The following RAG1 variants were observed in gnomAD, a reference collection of about 807,000 sequenced individuals.
RAG1 encodes recombination activating 1.
A neutral mutation model predicts 62.7 loss-of-function variants in RAG1; 35 were observed. The observed-to-expected ratio is 0.56, with a 90% CI of 0.43 to 0.74. The LOEUF is 0.74. Ranked by LOEUF, RAG1 falls within the 30% of genes least tolerant of loss-of-function variation. RAG1 has a pLI of 0.00. For synonymous variants in RAG1, 461 were observed against 470.3 expected (o/e 0.98, Z 0.26); for missense variants, 1,169 against 1,278.6 (o/e 0.91, Z 1.31).
chr11:36,524,256 G>A (rs1860124081), intron 2 of RAG1, among the ~76,000 whole-genome samples: 1 of 151,302 alleles, frequency 6.6e-6, no homozygotes, highest in Non-Finnish European at 1.5e-5. Flanking sequence ...TGAGTTAATG[G>A]GTGCAGCACA....
In RAG1 at chr11:36,577,594, G is replaced by C. The variant is rs1475292143; in HGVS notation, c.*1158G>C. 1 of 166,960 alleles carries C rather than the reference G, an allele frequency of 6.0e-6. No individual in the cohort carries two copies. The highest frequency in any genetic ancestry group is 1.5e-5 in the Non-Finnish European group (1 of 68,118). 10.3% of individuals were successfully genotyped at this position (166,960 alleles called of 1,614,324 possible). ...GCAGAAGAGTTAACATTTACACAGT[G>C]CTTTTTACCACTGTGGAATGTTTTC... On this transcript the variant is annotated 3_prime_UTR_variant, in exon 2 of 2. Transcript: ENST00000299440.
At chr11:36,526,752 T>C (rs915087130) in intron 2 of RAG1, among the ~76,000 whole-genome samples, 2 of 152,220 alleles carry the variant, frequency 1.3e-5, no homozygotes, top group Non-Finnish European at 2.9e-5. Flanking sequence ...TGTTGTTTCC[T>C]GACTTTTTAA....
intron 1 of RAG1, 45 bp downstream of exon 1, chr11:36,568,167 A>G (rs559140890): frequency 1.3e-5 from 2 of 152,260 alleles, no homozygotes; most frequent in African/African-American, 2.4e-5. Context: ...TATTTATTAC[A>G]TTTTTATGTT....
intron 3 of RAG1, among the ~76,000 whole-genome samples, chr11:36,548,017 A>T (rs1377984557): frequency 1.3e-5 from 2 of 152,202 alleles, no homozygotes; most frequent in African/African-American, 4.8e-5. Flanking sequence ...AGAACCAACG[A>T]CAAAAACTAC....
rs142345523 is a variant in RAG1, at chr11:36,575,856, G to A, written c.2552G>A (p.Arg851Lys). The A allele has an allele frequency of 4.3e-6, 7 of 1,614,096 alleles. No individual in the cohort carries two copies. The African/African-American group carries it at 6.7e-5, about 15-fold the overall frequency. ...AAGATGAACCTCAAACCAATCATGA[G>A]GATGAATGGCAACTTTGCCAGGAAG... is the stretch of plus-strand genomic sequence containing the variant. Reference protein sequence around the residue: ...RKKMNLKPIMRMNGNFARKLM... With the variant: ...RKKMNLKPIMKMNGNFARKLM... Residue 851 changes from arginine (R) to lysine (K), a missense_variant, in exon 2 of 2, where the codon AGG becomes AAG. This residue lies in a region of RAG1 where 800 missense variants were observed against 943.3 expected (regional missense o/e 0.85). Coordinates refer to ENST00000299440, the MANE Select transcript of RAG1 (RefSeq NM_000448.3). The surrounding 1 kb of genome is among the most constrained non-coding windows in gnomAD (Gnocchi z 4.1).
At position 36,560,358 on chromosome 11, in the gene RAG1, C is replaced by A. The variant is rs190031115; in HGVS notation, c.-411-3027C>A. 2.1e-4 allele frequency among the ~76,000 whole-genome samples: 32 copies of A among 152,276 alleles called. 1 individual carries two copies. Among genetic ancestry groups the A allele is most frequent in the African/African-American group, 6.7e-4 (28 of 41,560 alleles). ...GGGGAGGTTTATTTCCTATTCTACA[C>A]TACCTGTTTCTTGGGGTGCAGGGCA... is the stretch of plus-strand genomic sequence containing the variant. On this transcript the variant is annotated intron_variant and NMD_transcript_variant, in intron 3 of 9. Transcript: ENST00000534663.
chr11:36,535,422 G>A (rs1008030132), intron 2 of RAG1, among the ~76,000 whole-genome samples: 1 of 152,130 alleles, frequency 6.6e-6, no homozygotes, highest in African/African-American at 2.4e-5. Context: ...TCTATTTCAA[G>A]TTCAACATGT....
At chr11:36,522,606 C>T (rs1051677196) in intron 2 of RAG1, among the ~76,000 whole-genome samples, 2 of 152,178 alleles carry the variant, frequency 1.3e-5, no homozygotes, top group African/African-American at 4.8e-5. Context: ...GGGGCTCTGC[C>T]TAGTGGAGCT....
intron 3 of RAG1, among the ~76,000 whole-genome samples, chr11:36,547,814 C>G (rs1850419965): frequency 6.6e-6 from 1 of 152,096 alleles, no homozygotes; most frequent in African/African-American, 2.4e-5. Flanking sequence ...CTGACAGAGA[C>G]TCAACAAAAA....
chr11:36,568,759 T>C (rs1442202975), intron 1 of RAG1, among the ~76,000 whole-genome samples: 3 of 152,230 alleles, frequency 2.0e-5, no homozygotes, highest in Non-Finnish European at 2.9e-5. Context: ...TTTGAGGTTA[T>C]GTTCTTGAGT....
chr11:36,519,417 A>G (rs917728467), intron 1 of RAG1, among the ~76,000 whole-genome samples: 3 of 152,222 alleles, frequency 2.0e-5, no homozygotes, highest in Non-Finnish European at 4.4e-5. Flanking sequence ...TACTTCAAAC[A>G]CATCAAGCAT....
Position 36,576,714 on chromosome 11 carries a change from G to A in RAG1, c.*278G>A. ...AGTAACTGCAGGGGACCAGAGATGA[G>A]CAAAGATCTGTGTGTGTTGGGGAGC... On this transcript the variant is annotated 3_prime_UTR_variant, in exon 2 of 2. Coordinates refer to ENST00000299440, the MANE Select transcript of RAG1 (RefSeq NM_000448.3). 4.3e-6 allele frequency: 2 copies of A among 460,682 alleles called. No individual in the cohort carries two copies. Among genetic ancestry groups the A allele is most frequent in the South Asian group, 4.8e-5 (2 of 41,718 alleles). The allele number at this position is 460,682 out of a possible 1,614,324, so 28.5% of individuals were successfully genotyped here.
At chr11:36,566,767 C>T (rs1258294516), upstream of RAG1, among the ~76,000 whole-genome samples, 1 of 152,230 alleles carries the variant, frequency 6.6e-6, no homozygotes, top group Admixed American at 6.5e-5. Context: ...TCTCCTCTCT[C>T]CCAGTGTTAC....
chr11:36,545,688 G>A (rs1040035789), intron 3 of RAG1, among the ~76,000 whole-genome samples: 59 of 152,196 alleles, frequency 3.9e-4, no homozygotes, highest in African/African-American at 1.4e-3. Context: ...TCTTCTATTG[G>A]CAGACATTTA....
At chr11:36,549,268 CA>C (rs1202436971) in intron 3 of RAG1, among the ~76,000 whole-genome samples, 2 of 152,126 alleles carry the variant, frequency 1.3e-5, no homozygotes, top group Non-Finnish European at 2.9e-5. Context: ...CCAAAATTGA[CA>C]AATGGGATCT....
intron 3 of RAG1, among the ~76,000 whole-genome samples, chr11:36,551,200 TG>T (rs758986787): frequency 6.6e-6 from 1 of 152,170 alleles, no homozygotes; most frequent in Non-Finnish European, 1.5e-5. Flanking sequence ...TCTAGCTGTA[TG>T]TGCCTCAATG....
chr11:36,541,542 A>G (rs1422991362), intron 3 of RAG1, among the ~76,000 whole-genome samples: 1 of 152,150 alleles, frequency 6.6e-6, no homozygotes, highest in Non-Finnish European at 1.5e-5. Context: ...ACTAAAGGAA[A>G]TAATGTATAC....
upstream of RAG1, among the ~76,000 whole-genome samples, chr11:36,565,047 A>T (rs1564985579): frequency 6.6e-6 from 1 of 152,190 alleles, no homozygotes. Context: ...AATAAAACAC[A>T]TGCGTTGGGG....
chr11:36,519,334 T>G (rs570850131), intron 1 of RAG1, among the ~76,000 whole-genome samples: 3 of 152,330 alleles, frequency 2.0e-5, no homozygotes, highest in Non-Finnish European at 4.4e-5. Context: ...AAATAAAATA[T>G]TAGACATTGG....
Sources: gnomAD v4.1 joint callset for allele counts (sites outside exome capture counted in the v4.1 genomes callset) on GRCh38, gnomAD v4.1.1 for gene constraint, gnomAD v4.1.1 regional missense constraint, Gnocchi (gnomAD v3.1) non-coding constraint, MANE v1.5 for transcripts, NCBI Gene and HGNC (gene_info 2026-07-23, HGNC 2026-07-21) for gene names.